The following HIVEP3 variants were observed in gnomAD, a reference collection of about 807,000 sequenced individuals.
HIVEP3 encodes transcription factor HIVEP3.
A neutral mutation model predicts 152.8 loss-of-function variants in HIVEP3; 49 were observed. The observed-to-expected ratio is 0.32, with a 90% CI of 0.26 to 0.41. The LOEUF is 0.41. Among genes scored for constraint, HIVEP3 ranks in the 10% least tolerant of loss-of-function variants. The probability of loss-of-function intolerance (pLI) is 1.00; values close to 1 mark genes in which losing one functional copy is unlikely to be tolerated. For synonymous variants in HIVEP3, 1,269 were observed against 1,289.0 expected, an observed-to-expected ratio of 0.98 and a Z score of 0.33; for missense variants, 2,790 against 3,103.3, an observed-to-expected ratio of 0.90 and a Z score of 2.40.
At chr1:41,561,732 C>A (rs1418614535) in intron 5 of HIVEP3, among the ~76,000 whole-genome samples, 1 of 9,016 alleles carries the variant, frequency 1.1e-4, no homozygotes, top group Non-Finnish European at 7.5e-4. Context: ...CCAGGCTGGT[C>A]TCAAACTCCT....
chr1:41,567,973 T>G (rs1011767361), intron 5 of HIVEP3, among the ~76,000 whole-genome samples: 1 of 152,254 alleles, frequency 6.6e-6, no homozygotes, highest in Non-Finnish European at 1.5e-5. Flanking sequence ...TTCTAAGAGC[T>G]GCAGAGTTCA....
At chr1:41,638,441 AAG>A (rs576714783) in intron 2 of HIVEP3, among the ~76,000 whole-genome samples, 75 of 152,106 alleles carry the variant, frequency 4.9e-4, no homozygotes, top group East Asian at 3.5e-3. Flanking sequence ...GAAAGAAAGA[AAG>A]AGAAAAGAAG....
chr1:41,971,302 A>T (rs1239674478), intron 1 of HIVEP3, among the ~76,000 whole-genome samples: 1 of 152,216 alleles, frequency 6.6e-6, no homozygotes, highest in East Asian at 1.9e-4. Context: ...GTCAGAAAAC[A>T]GATGGTCAAA....
rs1431939145 is a variant in HIVEP3, at chr1:41,995,724, G to A, written n.119+40083C>T. On this transcript the variant is annotated intron_variant and non_coding_transcript_variant, in intron 1 of 3. Coordinates refer to the HIVEP3 transcript ENST00000489103. Reference sequence around the variant, plus strand: ...GGTAAGTGGAGTTAATGTGTCCTGGGATCATTGTATCATTCAGGAGGAAAA... The same window carrying A: ...GGTAAGTGGAGTTAATGTGTCCTGGAATCATTGTATCATTCAGGAGGAAAA... 2.0e-5 allele frequency among the ~76,000 whole-genome samples: 3 copies of A among 152,168 alleles called. No individual in the cohort carries two copies. The East Asian group carries it at 5.8e-4, about 29-fold the overall frequency.
At chr1:41,961,100 T>C (rs1570847122) in intron 1 of HIVEP3, among the ~76,000 whole-genome samples, 1 of 152,194 alleles carries the variant, frequency 6.6e-6, no homozygotes, top group East Asian at 1.9e-4. Context: ...TCTGCAACAA[T>C]TGTGCCAAGT....
intron 1 of HIVEP3, among the ~76,000 whole-genome samples, chr1:41,804,941 A>C (rs765705300): frequency 6.6e-6 from 1 of 152,242 alleles, no homozygotes; most frequent in Non-Finnish European, 1.5e-5. Flanking sequence ...TAATTCTGCA[A>C]GAAGCTTCTA....
intron 1 of HIVEP3, among the ~76,000 whole-genome samples, chr1:41,775,083 G>A (rs532922722): frequency 2.0e-4 from 31 of 152,096 alleles, no homozygotes; most frequent in Non-Finnish European, 3.8e-4. Context: ...AATTACAGGC[G>A]TGACCCACCG....
chr1:41,866,988 G>A (rs770546810), intron 1 of HIVEP3, among the ~76,000 whole-genome samples: 1 of 152,202 alleles, frequency 6.6e-6, no homozygotes, highest in Non-Finnish European at 1.5e-5. Context: ...AGGCAAAACA[G>A]ACATCTTTAA....
At chr1:41,527,208 GCTCACCCTCACACA>G (rs1229333759) in intron 5 of HIVEP3, among the ~76,000 whole-genome samples, 33 of 57,158 alleles carry the variant, frequency 5.8e-4, no homozygotes, top group African/African-American at 2.0e-3. Context: ...TCCCACACAT[GCTCACCCTCACACA>G]CTCACCCTCA....
intron 1 of HIVEP3, among the ~76,000 whole-genome samples, chr1:42,021,029 G>A (rs1030304999): frequency 5.9e-5 from 9 of 152,318 alleles, no homozygotes; most frequent in South Asian, 2.1e-4. Context: ...AGATTTTGCA[G>A]GGTCCTGGAG....
intron 2 of HIVEP3, among the ~76,000 whole-genome samples, chr1:41,637,609 G>C (rs1008258265): frequency 6.6e-6 from 1 of 152,228 alleles, no homozygotes; most frequent in African/African-American, 2.4e-5. Context: ...TCAACGGGAT[G>C]GTGAAAAGCA....
intron 1 of HIVEP3, among the ~76,000 whole-genome samples, chr1:41,845,519 C>A (rs1293527488): frequency 6.6e-6 from 1 of 151,778 alleles, no homozygotes; most frequent in East Asian, 1.9e-4. Flanking sequence ...CTAGGAACAA[C>A]AGGGATAGTT....
intron 1 of HIVEP3, among the ~76,000 whole-genome samples, chr1:41,724,034 C>G (rs1410337478): frequency 2.0e-5 from 3 of 152,140 alleles, no homozygotes; most frequent in East Asian, 3.9e-4. Context: ...GAGGATAATA[C>G]AGATGTTAGT....
At chr1:41,601,838 T>C (rs1327677179) in intron 3 of HIVEP3, among the ~76,000 whole-genome samples, 1 of 152,170 alleles carries the variant, frequency 6.6e-6, no homozygotes, top group African/African-American at 2.4e-5. Context: ...AGAAAAAACT[T>C]TTCCGTTTTT....
At chr1:41,830,648 A>G (rs1335119343) in intron 1 of HIVEP3, among the ~76,000 whole-genome samples, 1 of 152,202 alleles carries the variant, frequency 6.6e-6, no homozygotes, top group Non-Finnish European at 1.5e-5. Flanking sequence ...GCAATGTGGG[A>G]CAACTCTAAA....
intron 5 of HIVEP3, among the ~76,000 whole-genome samples, chr1:41,527,013 A>C (rs1569739605): frequency 3.2e-4 from 14 of 43,318 alleles, no homozygotes; most frequent in African/African-American, 5.6e-4. Context: ...ACTCGCTTAC[A>C]CCCCCACACT....
chr1:41,702,216 T>A (rs1199528571), intron 1 of HIVEP3, among the ~76,000 whole-genome samples: 2 of 152,040 alleles, frequency 1.3e-5, no homozygotes, highest in African/African-American at 4.8e-5. Context: ...AACATCAACA[T>A]CATTACTATC....
rs578140214 is a variant in HIVEP3 at position 41,560,012 on chromosome 1, T to G, written c.5207+15532A>C. ...GCAGCCACTCAGAGATTCTAGATTT[T>G]CATGCAGGTGGTCCAGTTCAGAGTT... On this transcript the variant is annotated intron_variant, in intron 5 of 8. Coordinates refer to ENST00000372583, the MANE Select transcript of HIVEP3 (RefSeq NM_024503.5). Among the ~76,000 whole-genome samples, 8 of 152,330 alleles carry G rather than the reference T, an allele frequency of 5.3e-5. No homozygotes were observed. The East Asian group carries it at 9.6e-4, about 18-fold the overall frequency.
rs760419163 is a variant in HIVEP3, at chr1:41,511,633, T to C, written c.6406-367A>G. Among the ~76,000 whole-genome samples, 2 of 152,184 alleles carry C rather than the reference T, an allele frequency of 1.3e-5. No homozygotes were observed. Among genetic ancestry groups the C allele is most frequent in the Non-Finnish European group, 2.9e-5 (2 of 68,030 alleles). On this transcript the variant is annotated intron_variant, in intron 8 of 8. Transcript: ENST00000372583. This position sits in a 1 kb window ranked among gnomAD's most constrained non-coding sequence, Gnocchi z 4.9. Reference sequence around the variant, plus strand: ...TGCCTGTCCTGTTCCTAAAATGGTCTTCACCCAGCTTCACTCTTGGACATG... The same window carrying C: ...TGCCTGTCCTGTTCCTAAAATGGTCCTCACCCAGCTTCACTCTTGGACATG...
Sources: gnomAD v4.1 joint callset for allele counts (sites outside exome capture counted in the v4.1 genomes callset) on GRCh38, gnomAD v4.1.1 for gene constraint, Gnocchi (gnomAD v3.1) non-coding constraint, MANE v1.5 for transcripts, NCBI Gene and HGNC (gene_info 2026-07-23, HGNC 2026-07-21) for gene names.